OXSR1: variants seen among roughly 807,000 people sequenced by gnomAD.
OXSR1 encodes the protein serine/threonine-protein kinase OSR1.
In OXSR1, 24 loss-of-function variants were observed where a neutral mutation model predicts 79.8. The ratio of observed to expected loss-of-function variants is 0.30; its 90% CI spans 0.22 to 0.42. The LOEUF (loss-of-function observed/expected upper bound fraction) is 0.42. Among genes scored for constraint, OXSR1 ranks in the 10% least tolerant of loss-of-function variants. The pLI, the probability that OXSR1 is intolerant of heterozygous loss-of-function variation, is 1.00. For missense variants in OXSR1, 430 were observed against 618.4 expected, an observed-to-expected ratio of 0.70 and a Z score of 3.23; for synonymous variants, 226 against 209.2, an observed-to-expected ratio of 1.08 and a Z score of -0.69.
Position 38,254,449 on chromosome 3 carries a change from A to T in OXSR1, c.*1558A>T, listed in dbSNP as rs1306828797. 1 of 387,754 alleles carries T rather than the reference A, an allele frequency of 2.6e-6. No individual in the cohort carries two copies. Among genetic ancestry groups the T allele is most frequent in the South Asian group, 1.4e-4 (1 of 6,928 alleles). The allele number at this position is 387,754 out of a possible 1,614,324, so 24.0% of individuals were successfully genotyped here. ...GGGAGGAAGAGAGGAGATGGATTTC[A>T]GTTGGGAGTTAGGAGGAGAGTAGGT... On this transcript the variant is annotated 3_prime_UTR_variant, in exon 18 of 18. Coordinates refer to ENST00000311806, the MANE Select transcript of OXSR1 (RefSeq NM_005109.3).
intron 4 of OXSR1, among the ~76,000 whole-genome samples, chr3:38,200,243 G>C (rs1195853256): frequency 2.0e-5 from 3 of 152,138 alleles, no homozygotes; most frequent in African/African-American, 7.2e-5. Flanking sequence ...TGCTTCTTTA[G>C]GCAGAGAGAG....
At chr3:38,243,412 G>C (rs1431603930) in intron 12 of OXSR1, among the ~76,000 whole-genome samples, 1 of 152,128 alleles carries the variant, frequency 6.6e-6, no homozygotes, top group African/African-American at 2.4e-5. Flanking sequence ...TTCAGCCTCA[G>C]CCTCTTCTCT....
At chr3:38,194,445 G>A (rs1002975536) in intron 3 of OXSR1, among the ~76,000 whole-genome samples, 3 of 152,136 alleles carry the variant, frequency 2.0e-5, no homozygotes, top group African/African-American at 7.2e-5. Flanking sequence ...TTGGGAGGCT[G>A]GAGGATAGCT....
At chr3:38,238,440 T>C (rs751301769) in intron 11 of OXSR1, among the ~76,000 whole-genome samples, 10 of 152,090 alleles carry the variant, frequency 6.6e-5, no homozygotes, top group Non-Finnish European at 1.0e-4. Flanking sequence ...AATGCTCTTA[T>C]GTAGATCCAG....
chr3:38,221,783 A>C (rs1395301709), intron 6 of OXSR1, 96 bp downstream of exon 6: 1 of 673,042 alleles, frequency 1.5e-6, no homozygotes, highest in African/African-American at 1.8e-5. Flanking sequence ...ATACCAGGTT[A>C]GCTTTGGGAA....
intron 9 of OXSR1, among the ~76,000 whole-genome samples, 183 bp from the exon 10 acceptor site, chr3:38,230,169 TAATTTTCTGCCTC>T (rs1465107046): frequency 6.6e-6 from 1 of 152,192 alleles, no homozygotes; most frequent in Non-Finnish European, 1.5e-5. Context: ...TACTACATCT[TAATTTTCTGCCTC>T]AATTTATGAA....
intron 4 of OXSR1, among the ~76,000 whole-genome samples, chr3:38,209,633 CTTTTT>C (rs36124151): frequency 2.3e-5 from 3 of 132,222 alleles, no homozygotes; most frequent in African/African-American, 5.7e-5. Flanking sequence ...ATCAATTATA[CTTTTT>C]TTTTTTTTTT....
At chr3:38,222,083 G>A (rs1372149114) in intron 6 of OXSR1, among the ~76,000 whole-genome samples, 3 of 152,030 alleles carry the variant, frequency 2.0e-5, no homozygotes, top group Admixed American at 6.5e-5. Context: ...AGTATGCTGC[G>A]AACCGAATTC....
At chr3:38,181,402 C>T (rs1701783751) in intron 1 of OXSR1, among the ~76,000 whole-genome samples, 1 of 144,828 alleles carries the variant, frequency 6.9e-6, no homozygotes, top group Admixed American at 7.1e-5. Context: ...GTCACCCAGG[C>T]TGGAGTGCAA....
At chr3:38,190,993 A>G (rs982458508) in intron 3 of OXSR1, among the ~76,000 whole-genome samples, 154 bp downstream of exon 3, 3 of 152,210 alleles carry the variant, frequency 2.0e-5, no homozygotes, top group East Asian at 1.9e-4. Context: ...TCTATGAGCC[A>G]AGACAGTTTT....
At chr3:38,212,063 C>T (rs2125829147) in intron 4 of OXSR1, among the ~76,000 whole-genome samples, 1 of 151,960 alleles carries the variant, frequency 6.6e-6, no homozygotes, top group East Asian at 2.0e-4. Flanking sequence ...CCTGGGTCCA[C>T]TGTCAGAAAT....
At chr3:38,167,339 A>G (rs1454069335) in intron 1 of OXSR1, among the ~76,000 whole-genome samples, 2 of 152,248 alleles carry the variant, frequency 1.3e-5, no homozygotes, top group African/African-American at 4.8e-5. Flanking sequence ...TTGGACAACA[A>G]TAACCCAGTG....
chr3:38,238,882 A>G (rs773735207), intron 11 of OXSR1, among the ~76,000 whole-genome samples: 19 of 152,012 alleles, frequency 1.2e-4, no homozygotes, highest in Admixed American at 6.6e-4. Context: ...TTCAGCCATT[A>G]TATTTTCAAA....
intron 1 of OXSR1, among the ~76,000 whole-genome samples, chr3:38,177,935 G>C (rs1701703779): frequency 6.6e-6 from 1 of 151,716 alleles, no homozygotes; most frequent in African/African-American, 2.4e-5. Flanking sequence ...CATTATGTGA[G>C]TTTTGTGCCA....
intron 16 of OXSR1, among the ~76,000 whole-genome samples, 157 bp downstream of exon 16, chr3:38,251,628 C>T (rs1703259141): frequency 6.6e-6 from 1 of 152,156 alleles, no homozygotes; most frequent in East Asian, 1.9e-4. Context: ...GTTCCTTACA[C>T]ACACACAAAA....
intron 4 of OXSR1, among the ~76,000 whole-genome samples, chr3:38,203,306 C>G (rs1055200672): frequency 3.3e-5 from 5 of 152,186 alleles, no homozygotes; most frequent in African/African-American, 1.2e-4. Context: ...CCCTGCCCCC[C>G]TTGTCTTGTA....
Position 38,249,994 on chromosome 3 carries a change from C to A in OXSR1, c.1351C>A (p.Arg451=). 1 of 1,592,666 alleles carries A rather than the reference C, an allele frequency of 6.3e-7. No homozygotes were observed. The highest frequency in any genetic ancestry group is 1.1e-5 in the South Asian group (1 of 89,450). ...RNSKKELNDI[R]FEFTPGRDTA... ...TTCCAAAAAAGAACTAAATGATATTCGATTTGAATTTACTCCTGGGAGAGG... is the reference window on the plus strand; with the variant it reads ...TTCCAAAAAAGAACTAAATGATATTAGATTTGAATTTACTCCTGGGAGAGG... Residue 451 remains arginine (R), a synonymous_variant, in exon 15 of 18, where the codon CGA becomes AGA. Coordinates refer to ENST00000311806, the MANE Select transcript of OXSR1 (RefSeq NM_005109.3).
At chr3:38,242,417 T>C (rs1703054268) in intron 11 of OXSR1, among the ~76,000 whole-genome samples, 1 of 152,180 alleles carries the variant, frequency 6.6e-6, no homozygotes, top group Non-Finnish European at 1.5e-5. Flanking sequence ...ATATACATAA[T>C]ATGTTCACGA....
At chr3:38,209,363 G>T (rs903084130) in intron 4 of OXSR1, among the ~76,000 whole-genome samples, 2 of 151,840 alleles carry the variant, frequency 1.3e-5, no homozygotes, top group Non-Finnish European at 2.9e-5. Flanking sequence ...GCCCACAGGT[G>T]CTCACTACTA....
Sources: gnomAD v4.1 joint callset for allele counts (sites outside exome capture counted in the v4.1 genomes callset) on GRCh38, gnomAD v4.1.1 for gene constraint, MANE v1.5 for transcripts, NCBI Gene and HGNC (gene_info 2026-07-23, HGNC 2026-07-21) for gene names.